RNF13: variants seen among roughly 807,000 people sequenced by gnomAD.
RNF13 encodes the protein E3 ubiquitin-protein ligase RNF13.
RNF13 carries 19 observed loss-of-function variants against 37.7 expected under a neutral mutation model. The ratio of observed to expected loss-of-function variants is 0.50; its 90% CI spans 0.35 to 0.74. The LOEUF (loss-of-function observed/expected upper bound fraction) is 0.74, where lower values mean the gene tolerates loss of function less well. Ranked by LOEUF, RNF13 falls within the 30% of genes least tolerant of loss-of-function variation. The pLI is 0.01. For missense variants in RNF13, 375 were observed against 453.0 expected (o/e 0.83, Z 1.56); for synonymous variants, 144 against 157.8 (o/e 0.91, Z 0.65).
intron 8 of RNF13, among the ~76,000 whole-genome samples, chr3:149,946,982 C>T (rs1008135175): frequency 1.3e-5 from 2 of 152,082 alleles, no homozygotes; most frequent in Non-Finnish European, 2.9e-5. Flanking sequence ...CATTTATCTC[C>T]AGATATTTTC....
chr3:149,835,633 T>TTGTGTGTGTGTGTGTGTGTGTGTG (rs3039646), intron 1 of RNF13, among the ~76,000 whole-genome samples: 2 of 138,746 alleles, frequency 1.4e-5, no homozygotes, highest in Non-Finnish European at 3.2e-5. Flanking sequence ...TAGTATTCCA[T>TTGTGTGTGTGTGTGTGTGTGTGTG]TGTGTGTGTG....
intron 1 of RNF13, among the ~76,000 whole-genome samples, chr3:149,840,787 G>A (rs1722104441): frequency 6.6e-6 from 1 of 152,194 alleles, no homozygotes; most frequent in African/African-American, 2.4e-5. Flanking sequence ...CTTGGTAGGA[G>A]GTAGGAGGAT....
intron 1 of RNF13, among the ~76,000 whole-genome samples, chr3:149,817,004 TGAA>T (rs564062198): frequency 9.5e-4 from 145 of 152,336 alleles, no homozygotes; most frequent in African/African-American, 3.2e-3. Flanking sequence ...GATATTATCA[TGAA>T]GAACAGGTTT....
At position 149,813,322 on chromosome 3, in the gene RNF13, G is replaced by C; in HGVS notation, c.-48G>C. On this transcript the variant is annotated 5_prime_UTR_variant, in exon 1 of 10. Transcript: ENST00000392894. ...TCTCCCGCAGCGACGCGGCTGGCAA[G>C]ACTGTTTGTGTTGCGGGGGCCGGAC... 6.6e-6 allele frequency: 1 copy of C among 152,392 alleles called. No homozygotes were observed. The highest frequency in any genetic ancestry group is 1.5e-5 in the Non-Finnish European group (1 of 68,190). 9.4% of individuals were successfully genotyped at this position (152,392 alleles called of 1,614,324 possible).
chr3:149,832,012 C>G (rs1721104406), intron 1 of RNF13, among the ~76,000 whole-genome samples: 1 of 151,864 alleles, frequency 6.6e-6, no homozygotes, highest in South Asian at 2.1e-4. Context: ...ATAAATTTTC[C>G]ACTAAAATAG....
chr3:149,919,432 C>T (rs908335844), intron 7 of RNF13, among the ~76,000 whole-genome samples: 1 of 152,168 alleles, frequency 6.6e-6, no homozygotes, highest in African/African-American at 2.4e-5. Context: ...CAGACAACTA[C>T]AAATCTGATT....
chr3:149,829,161 G>C (rs1490611655), intron 1 of RNF13, among the ~76,000 whole-genome samples: 2 of 152,098 alleles, frequency 1.3e-5, no homozygotes, highest in Non-Finnish European at 2.9e-5. Context: ...GTGTGCAGTG[G>C]CTATCTTGGC....
intron 2 of RNF13, among the ~76,000 whole-genome samples, chr3:149,849,021 A>C (rs1320331868): frequency 3.9e-5 from 6 of 152,142 alleles, no homozygotes; most frequent in East Asian, 1.9e-4. Context: ...TTGTACCATC[A>C]CATTTTCTTT....
intron 8 of RNF13, among the ~76,000 whole-genome samples, chr3:149,959,207 T>A (rs139981854): frequency 1.3e-3 from 195 of 152,326 alleles, no homozygotes; most frequent in African/African-American, 4.4e-3. Context: ...TAAGCCACTA[T>A]TAATTGAAAA....
At chr3:149,938,154 T>C (rs1047698973) in intron 8 of RNF13, among the ~76,000 whole-genome samples, 1 of 151,336 alleles carries the variant, frequency 6.6e-6, no homozygotes, top group African/African-American at 2.4e-5. Flanking sequence ...TATATAGTTA[T>C]GTATATATAT....
intron 4 of RNF13, among the ~76,000 whole-genome samples, chr3:149,891,438 A>G (rs1256612043): frequency 6.6e-6 from 1 of 152,124 alleles, no homozygotes; most frequent in Non-Finnish European, 1.5e-5. Context: ...TCCTTTTAGA[A>G]CCTGTCTTAT....
chr3:149,931,854 C>T (rs931736232), intron 8 of RNF13, among the ~76,000 whole-genome samples: 73 of 152,332 alleles, frequency 4.8e-4, no homozygotes, highest in African/African-American at 1.8e-3. Context: ...TTCCACCCTT[C>T]CCAGCATCTG....
At chr3:149,879,050 A>G (rs1713070644) in intron 4 of RNF13, among the ~76,000 whole-genome samples, 1 of 152,186 alleles carries the variant, frequency 6.6e-6, no homozygotes, top group Non-Finnish European at 1.5e-5. Context: ...CCCAATTTAT[A>G]ACTAGAAGTT....
chr3:149,853,336 A>G (rs995706296), intron 3 of RNF13, among the ~76,000 whole-genome samples: 67 of 152,146 alleles, frequency 4.4e-4, no homozygotes, highest in African/African-American at 1.3e-3. Flanking sequence ...AACATCTGAG[A>G]CTGTCCTTTT....
chr3:149,821,441 G>T (rs566754410), intron 1 of RNF13, among the ~76,000 whole-genome samples: 167 of 152,158 alleles, frequency 1.1e-3, no homozygotes, highest in African/African-American at 4.0e-3. Context: ...CTTTTCATGT[G>T]CTTGTTGGCC....
chr3:149,877,472 CTTTTT>C (rs369676407), intron 4 of RNF13, among the ~76,000 whole-genome samples: 9 of 101,460 alleles, frequency 8.9e-5, no homozygotes, highest in Middle Eastern at 6.1e-3. Context: ...TTCTTTCTGT[CTTTTT>C]TTTTTTTTTT....
intron 6 of RNF13, among the ~76,000 whole-genome samples, chr3:149,907,580 C>T (rs757143139): frequency 6.6e-6 from 1 of 152,190 alleles, no homozygotes; most frequent in African/African-American, 2.4e-5. Context: ...GATTCAAATC[C>T]TGGCTTCCAT....
intron 1 of RNF13, among the ~76,000 whole-genome samples, chr3:149,820,403 T>C (rs1224115116): frequency 6.6e-6 from 1 of 152,122 alleles, no homozygotes; most frequent in African/African-American, 2.4e-5. Flanking sequence ...ATAGAGGGAA[T>C]GAATTTCCAC....
intron 3 of RNF13, among the ~76,000 whole-genome samples, chr3:149,863,694 A>G (rs983549048): frequency 1.3e-5 from 2 of 152,116 alleles, no homozygotes. Context: ...TTTGTTCATA[A>G]TACTAAAGGA....
Sources: allele counts gnomAD v4.1 joint callset (sites outside exome capture counted in the v4.1 genomes callset), GRCh38; gene constraint gnomAD v4.1.1; transcripts MANE v1.5; gene names NCBI Gene and HGNC (gene_info 2026-07-23, HGNC 2026-07-21).